COG7: variants seen among roughly 807,000 people sequenced by gnomAD.
COG7 encodes component of oligomeric golgi complex 7.
A neutral mutation model predicts 91.5 loss-of-function variants in COG7; 49 were observed. That is an observed-to-expected ratio of 0.54 (90% CI 0.43 to 0.68). COG7 has a LOEUF of 0.68. Ranked by LOEUF, COG7 falls within the 30% of genes least tolerant of loss-of-function variation. The probability of loss-of-function intolerance (pLI) is 0.00; values close to 1 mark genes in which losing one functional copy is unlikely to be tolerated. For synonymous variants in COG7, 365 were observed against 388.7 expected, an observed-to-expected ratio of 0.94 and a Z score of 0.72; for missense variants, 895 against 961.3, an observed-to-expected ratio of 0.93 and a Z score of 0.91.
chr16:23,390,676 A>T (rs1963179866), intron 16 of COG7, among the ~76,000 whole-genome samples: 1 of 150,772 alleles, frequency 6.6e-6, no homozygotes, highest in Non-Finnish European at 1.5e-5. Context: ...CCTAGGCCCA[A>T]GCGATCCTCC....
In COG7 at chr16:23,420,545, C is replaced by T. The variant is rs144886654; in HGVS notation, c.1010-1718G>A. 3.5e-3 allele frequency among the ~76,000 whole-genome samples: 531 copies of T among 152,250 alleles called. 1 individual carries two copies. The highest frequency in any genetic ancestry group is 6.1e-3 in the Non-Finnish European group (416 of 68,022). On this transcript the variant is annotated intron_variant, in intron 7 of 16. Transcript: ENST00000307149. ...ATGCTGATCCTCTGTCTGGAAGGAC[C>T]GGCTTCGTCCCTTCCCCTCTTTATC...
intron 13 of COG7, 77 bp downstream of exon 13, chr16:23,403,612 AGGGAG>A: frequency 6.4e-7 from 1 of 1,555,000 alleles, no homozygotes; most frequent in Non-Finnish European, 8.9e-7. Context: ...CTCTTGGAAC[AGGGAG>A]GGTTAAGCCC....
Position 23,417,134 on chromosome 16 carries a change from TACAG to T in COG7, c.1138-17_1138-14del. On this transcript the variant is annotated splice_polypyrimidine_tract_variant and intron_variant, in intron 8 of 16. Transcript: ENST00000307149. The stretch of plus-strand genomic sequence containing the variant: ...CTTCCCCATGCTCCTGGTCAGCAAA[TACAG>T]ACAAAGCTGCATTAGGCTTTAGAAC... 1 of 1,614,136 alleles carries T rather than the reference TACAG, an allele frequency of 6.2e-7. No individual in the cohort carries two copies. Among genetic ancestry groups the T allele is most frequent in the Non-Finnish European group, 8.5e-7 (1 of 1,179,984 alleles).
chr16:23,396,735 C>G (rs550977706), intron 14 of COG7, among the ~76,000 whole-genome samples: 24 of 151,706 alleles, frequency 1.6e-4, no homozygotes, highest in Admixed American at 3.3e-4. Flanking sequence ...AAAGACCAAC[C>G]CACATCTTAA....
At chr16:23,424,642 A>C (rs1963814470) in intron 7 of COG7, 107 bp downstream of exon 7, 2 of 1,193,218 alleles carry the variant, frequency 1.7e-6, no homozygotes, top group Non-Finnish European at 2.5e-6. Flanking sequence ...GATCCCTTCC[A>C]TTTCTGTAAA....
At chr16:23,409,788 G>A (rs1436788773) in intron 11 of COG7, among the ~76,000 whole-genome samples, 8 of 152,138 alleles carry the variant, frequency 5.3e-5, no homozygotes, top group African/African-American at 1.9e-4. Flanking sequence ...AGTAGGACAA[G>A]CTTTTCCAGG....
Position 23,433,137 on chromosome 16 carries a change from G to A in COG7, c.810+408C>T, listed in dbSNP as rs536567513. Among the ~76,000 whole-genome samples the A allele has an allele frequency of 1.6e-4, 24 of 152,220 alleles. No homozygotes were observed. In the East Asian group the frequency reaches 4.6e-3, roughly 29 times the overall value. On this transcript the variant is annotated intron_variant, in intron 6 of 16. Transcript: ENST00000307149. The stretch of plus-strand genomic sequence containing the variant: ...TTGTTTGTTTGAGACAGTCTTGCTT[G>A]CTCTGTTGTCCAAGCTGAAGTGTAG...
At chr16:23,403,262 C>CA (rs540709667) in intron 13 of COG7, among the ~76,000 whole-genome samples, 2 of 152,174 alleles carry the variant, frequency 1.3e-5, no homozygotes, top group Non-Finnish European at 2.9e-5. Flanking sequence ...AAAGCCCCCT[C>CA]AAAAACACAA....
chr16:23,445,045 T>A lies in COG7; in HGVS notation c.435+3A>T, dbSNP rs1465763794. The A allele has an allele frequency of 6.2e-7, 1 of 1,607,114 alleles. No homozygotes were observed. The highest frequency in any genetic ancestry group is 8.5e-7 in the Non-Finnish European group (1 of 1,173,592). ...CATAACATCCCCTAAACAAGAAACC[T>A]ACCTGAGTCTTAAATGTCTCCTCAA... On this transcript the variant is annotated splice_donor_region_variant and intron_variant, in intron 3 of 16. Transcript: ENST00000307149.
intron 4 of COG7, among the ~76,000 whole-genome samples, chr16:23,438,800 G>A (rs1160031864): frequency 1.3e-5 from 2 of 152,000 alleles, no homozygotes; most frequent in East Asian, 3.9e-4. Flanking sequence ...ATTGCTGGTG[G>A]TAGTGTAAAA....
rs562948451 is a variant in COG7 at position 23,398,109 on chromosome 16, G to A, written c.1824C>T (p.Ile608=). 3.4e-5 allele frequency: 55 copies of A among 1,614,102 alleles called. No individual in the cohort carries two copies. The highest frequency in any genetic ancestry group is 2.9e-4 in the East Asian group (13 of 44,880). Residue 608 remains isoleucine, a synonymous_variant, in exon 14 of 17, where the codon ATC becomes ATT. Coordinates refer to ENST00000307149, the MANE Select transcript of COG7 (RefSeq NM_153603.4). ...GCAGTTCATCTGTGAGGGTTTCTCC[G>A]ATGCCAGCCGTATTCCAGCTCTAAG... ...SKMDSWNTAG[I]GETLTDELPA...
chr16:23,418,537 C>A (rs1316372822), intron 8 of COG7, among the ~76,000 whole-genome samples, 163 bp downstream of exon 8: 1 of 152,064 alleles, frequency 6.6e-6, no homozygotes, highest in Non-Finnish European at 1.5e-5. Context: ...AAATTGGTAG[C>A]AAATATATGG....
intron 4 of COG7, among the ~76,000 whole-genome samples, chr16:23,436,221 C>CA (rs1964011753): frequency 6.6e-6 from 1 of 151,922 alleles, no homozygotes; most frequent in African/African-American, 2.4e-5. Context: ...GATTCTAGCT[C>CA]AAAAAACAAA....
chr16:23,426,870 A>G (rs1963857372), intron 6 of COG7, among the ~76,000 whole-genome samples: 1 of 151,650 alleles, frequency 6.6e-6, no homozygotes, highest in Admixed American at 6.6e-5. Context: ...AAAGGCATCC[A>G]AATTGAAAAC....
chr16:23,422,847 A>AGGAGTTG (rs1963780615), intron 7 of COG7, among the ~76,000 whole-genome samples: 1 of 152,074 alleles, frequency 6.6e-6, no homozygotes, highest in East Asian at 1.9e-4. Flanking sequence ...GTTTGAGACC[A>AGGAGTTG]GCCTGGCCAA....
chr16:23,439,236 G>C (rs918962907), intron 4 of COG7, among the ~76,000 whole-genome samples: 1 of 131,102 alleles, frequency 7.6e-6, no homozygotes. Context: ...GGAATTGAAA[G>C]CTGGAACTCA....
Position 23,411,559 on chromosome 16 carries a change from T to C in COG7, c.1410-1199A>G, listed in dbSNP as rs151309250. Among the ~76,000 whole-genome samples, 923 of 152,278 alleles carry C rather than the reference T, an allele frequency of 6.1e-3. 7 individuals carry two copies. Among genetic ancestry groups the C allele is most frequent in the African/African-American group, 0.021 (853 of 41,550 alleles). On this transcript the variant is annotated intron_variant, in intron 10 of 16. Coordinates refer to ENST00000307149, the MANE Select transcript of COG7 (RefSeq NM_153603.4). Reference sequence around the variant, plus strand: ...TACATGTGTAGGACGTGCAGGTTTGTTAATAGGTAAACGTGTGTCATCGTG... The same window carrying C: ...TACATGTGTAGGACGTGCAGGTTTGCTAATAGGTAAACGTGTGTCATCGTG...
intron 6 of COG7, among the ~76,000 whole-genome samples, chr16:23,426,662 G>A (rs1197668960): frequency 6.6e-6 from 1 of 151,710 alleles, no homozygotes; most frequent in African/African-American, 2.4e-5. Flanking sequence ...AGGAATAGAA[G>A]GAAACTTCCT....
At chr16:23,435,678 GA>G (rs1343702256) in intron 4 of COG7, among the ~76,000 whole-genome samples, 1 of 151,782 alleles carries the variant, frequency 6.6e-6, no homozygotes, top group East Asian at 1.9e-4. Context: ...CAAAAGAAGG[GA>G]AAAAAAAGCC....
Sources: allele counts gnomAD v4.1 joint callset (sites outside exome capture counted in the v4.1 genomes callset), GRCh38; gene constraint gnomAD v4.1.1; transcripts MANE v1.5; gene names NCBI Gene and HGNC (gene_info 2026-07-23, HGNC 2026-07-21).